POLA1: variants seen among roughly 807,000 people sequenced by gnomAD.
The protein encoded by POLA1 is DNA polymerase alpha 1, catalytic subunit, also known as DNA polymerase alpha catalytic subunit.
POLA1 carries 15 observed loss-of-function variants against 124.0 expected under a neutral mutation model. The ratio of observed to expected loss-of-function variants is 0.12; its 90% CI spans 0.08 to 0.19. POLA1 has a LOEUF of 0.19. Ranked by LOEUF, POLA1 falls within the 10% of genes least tolerant of loss-of-function variation. The probability of loss-of-function intolerance (pLI) is 1.00; values close to 1 mark genes in which losing one functional copy is unlikely to be tolerated. For synonymous variants in POLA1, 408 were observed against 389.4 expected (o/e 1.05, Z -0.56); for missense variants, 886 against 1,103.4 (o/e 0.80, Z 2.79).
intron 23 of POLA1, chrX:24,744,494 AT>A (rs754255635): frequency 2.3e-5 from 8 of 350,043 alleles, no homozygotes; most frequent in African/African-American, 2.1e-4. Flanking sequence ...CTCTTTGTAA[AT>A]GTCCTACAGA....
chrX:24,901,350 G>A lies in POLA1; in HGVS notation c.4164+13228G>A, dbSNP rs1184447707. On this transcript the variant is annotated intron_variant, in intron 35 of 36. Coordinates refer to ENST00000379068, the MANE Select transcript of POLA1 (RefSeq NM_001330360.2). Reference sequence around the variant, plus strand: ...GAGGAAGGGCATGTATAAGGGATCTGGAACAGCTAGTATAAAGGGCCTAAG... The same window carrying A: ...GAGGAAGGGCATGTATAAGGGATCTAGAACAGCTAGTATAAAGGGCCTAAG... 2.7e-5 allele frequency among the ~76,000 whole-genome samples: 3 copies of A among 111,177 alleles called. No homozygotes were observed. In the East Asian group the frequency reaches 8.4e-4, roughly 31 times the overall value.
At chrX:24,879,985 C>T (rs2046982698) in intron 34 of POLA1, among the ~76,000 whole-genome samples, 1 of 111,499 alleles carries the variant, frequency 9.0e-6, no homozygotes, top group Non-Finnish European at 1.9e-5. Flanking sequence ...ACCTCAGGTA[C>T]ATCTTCTGAT....
chrX:24,868,220 A>G (rs1023450851), intron 34 of POLA1, among the ~76,000 whole-genome samples: 2 of 112,164 alleles, frequency 1.8e-5, no homozygotes, highest in Admixed American at 1.9e-4. Flanking sequence ...CGTTAGGGGA[A>G]AGGTTAAATA....
At chrX:24,900,779 A>C (rs1255865809) in intron 35 of POLA1, among the ~76,000 whole-genome samples, 1 of 111,580 alleles carries the variant, frequency 9.0e-6, no homozygotes, top group East Asian at 2.8e-4. Flanking sequence ...AGAGGTACTG[A>C]ATGGTGGAAA....
At chrX:24,741,873 TAA>T (rs1247984512) in intron 21 of POLA1, 127 bp from the exon 22 acceptor site, 4 of 399,426 alleles carry the variant, frequency 1.0e-5, no homozygotes, top group Admixed American at 5.1e-5. Flanking sequence ...TTTTTTTTTT[TAA>T]AAAAAAAGCA....
chrX:24,888,721 G>A (rs181983415), intron 35 of POLA1, among the ~76,000 whole-genome samples: 47 of 102,255 alleles, frequency 4.6e-4, no homozygotes, highest in African/African-American at 1.4e-3. Flanking sequence ...GACTACAGGC[G>A]CGTGCCACTG....
At chrX:24,956,791 A>G (rs2048111690) in intron 36 of POLA1, among the ~76,000 whole-genome samples, 1 of 112,260 alleles carries the variant, frequency 8.9e-6, no homozygotes, top group Non-Finnish European at 1.9e-5. Context: ...AGACTCTACT[A>G]TCTCCTGAAC....
At chrX:24,901,910 A>G (rs917134505) in intron 35 of POLA1, among the ~76,000 whole-genome samples, 4 of 111,578 alleles carry the variant, frequency 3.6e-5, no homozygotes, top group Non-Finnish European at 7.5e-5. Flanking sequence ...ACTTTAGGGG[A>G]AAAAAATGAG....
chrX:24,993,029 C>G (rs747085789), intron 36 of POLA1, among the ~76,000 whole-genome samples: 17 of 111,932 alleles, frequency 1.5e-4, no homozygotes, highest in South Asian at 1.5e-3. Context: ...GGGTTAGGGA[C>G]AGAATATTTT....
intron 35 of POLA1, among the ~76,000 whole-genome samples, chrX:24,890,785 T>C (rs1380661446): frequency 1.8e-5 from 2 of 112,568 alleles, no homozygotes; most frequent in African/African-American, 6.5e-5. Context: ...AAATGTGGAA[T>C]GTTAGAATTA....
At chrX:24,794,960 A>G (rs755797997) in intron 26 of POLA1, among the ~76,000 whole-genome samples, 1 of 110,847 alleles carries the variant, frequency 9.0e-6, no homozygotes, top group South Asian at 3.9e-4. Context: ...TGTAAGAATT[A>G]GTTGAGAATT....
chrX:24,722,188 A>C (rs1325955156), intron 10 of POLA1, among the ~76,000 whole-genome samples: 2 of 112,151 alleles, frequency 1.8e-5, no homozygotes, highest in African/African-American at 6.5e-5. Flanking sequence ...TTAGTGTCTC[A>C]GATAAGTGGC....
At chrX:24,905,716 C>G (rs1317394129) in intron 35 of POLA1, among the ~76,000 whole-genome samples, 1 of 110,300 alleles carries the variant, frequency 9.1e-6, no homozygotes, top group Non-Finnish European at 1.9e-5. Context: ...GCACTCACCA[C>G]CACGCCCGGC....
chrX:24,894,641 C>T (rs2047182265), intron 35 of POLA1, among the ~76,000 whole-genome samples: 1 of 112,137 alleles, frequency 8.9e-6, no homozygotes, highest in Non-Finnish European at 1.9e-5. Flanking sequence ...TGTCACATGG[C>T]AGTCTTCTTC....
chrX:24,824,013 T>C (rs1239591804), intron 31 of POLA1, among the ~76,000 whole-genome samples: 1 of 112,261 alleles, frequency 8.9e-6, no homozygotes, highest in Non-Finnish European at 1.9e-5. Flanking sequence ...CCATAAGGCA[T>C]GCCTTTAACA....
At chrX:24,846,918 C>T (rs1363297506) in intron 34 of POLA1, among the ~76,000 whole-genome samples, 1 of 112,108 alleles carries the variant, frequency 8.9e-6, no homozygotes, top group Non-Finnish European at 1.9e-5. Context: ...TTGTGTTAAT[C>T]GTTTTGGCCC....
chrX:24,836,351 C>T (rs747139911), intron 32 of POLA1, among the ~76,000 whole-genome samples: 17 of 111,826 alleles, frequency 1.5e-4, no homozygotes, highest in Admixed American at 9.5e-4. Context: ...CTCTGTCAAA[C>T]GTAAGCATGT....
At chrX:24,723,631 A>C (rs1399921716) in intron 11 of POLA1, among the ~76,000 whole-genome samples, 1 of 112,704 alleles carries the variant, frequency 8.9e-6, no homozygotes, top group African/African-American at 3.2e-5. Flanking sequence ...CATAGGCAGC[A>C]GTGATATTCC....
intron 36 of POLA1, among the ~76,000 whole-genome samples, chrX:24,938,522 A>T (rs2047879215): frequency 8.9e-6 from 1 of 112,451 alleles, no homozygotes; most frequent in African/African-American, 3.2e-5. Flanking sequence ...GGACCTCATT[A>T]CAACATTGAT....
Sources: gnomAD v4.1 joint callset for allele counts (sites outside exome capture counted in the v4.1 genomes callset) on GRCh38, gnomAD v4.1.1 for gene constraint, MANE v1.5 for transcripts, NCBI Gene and HGNC (gene_info 2026-07-23, HGNC 2026-07-21) for gene names.